Variants in CALCR observed in about 807,000 individuals in gnomAD.
The protein encoded by CALCR is calcitonin receptor.
Under a neutral mutation model 59.5 loss-of-function variants are expected in CALCR, and 47 were observed. That is an observed-to-expected ratio of 0.79 (90% confidence interval 0.63 to 1.01). The LOEUF (loss-of-function observed/expected upper bound fraction) is 1.01. Ranked by LOEUF, CALCR falls within the 50% of genes least tolerant of loss-of-function variation. CALCR has a pLI of 0.00. For synonymous variants in CALCR, 213 were observed against 211.3 expected (o/e 1.01, Z -0.07); for missense variants, 566 against 597.1 (o/e 0.95, Z 0.54).
Position 93,426,233 on chromosome 7 carries a change from C to T in CALCR, c.*123G>A. The T allele has an allele frequency of 3.1e-6, 2 of 651,872 alleles. No individual in the cohort carries two copies. The allele number at this position is 651,872 out of a possible 1,614,324, so 40.4% of individuals were successfully genotyped here. On this transcript the variant is annotated 3_prime_UTR_variant, in exon 14 of 14. Coordinates refer to ENST00000426151, the MANE Select transcript of CALCR (RefSeq NM_001742.4). ...TCTTCAGATTTACAATGGACAAATT[C>T]ACTGAATAATTCTTCACAAATGATA...
intron 7 of CALCR, among the ~76,000 whole-genome samples, chr7:93,465,252 A>G (rs566566277): frequency 6.6e-6 from 1 of 152,090 alleles, no homozygotes; most frequent in East Asian, 1.9e-4. Flanking sequence ...TTTATGGATA[A>G]GTAAATTTAT....
At chr7:93,474,114 A>G (rs1800614726) in intron 5 of CALCR, among the ~76,000 whole-genome samples, 1 of 151,746 alleles carries the variant, frequency 6.6e-6, no homozygotes, top group Admixed American at 6.6e-5. Context: ...AATAAATAAG[A>G]AAACTTCTTT....
intron 2 of CALCR, among the ~76,000 whole-genome samples, chr7:93,513,358 T>C (rs983469923): frequency 2.2e-4 from 34 of 152,170 alleles, no homozygotes; most frequent in African/African-American, 7.7e-4. Flanking sequence ...AAGAAGTATA[T>C]ATAGGTTTAT....
At chr7:93,540,718 A>G in intron 2 of CALCR, among the ~76,000 whole-genome samples, 1 of 60,178 alleles carries the variant, frequency 1.7e-5, no homozygotes, top group Admixed American at 1.6e-4. Context: ...TTTTATATAT[A>G]TTATATATTT....
At chr7:93,441,924 ATC>A (rs1799915368) in intron 9 of CALCR, among the ~76,000 whole-genome samples, 1 of 152,110 alleles carries the variant, frequency 6.6e-6, no homozygotes. Flanking sequence ...AGTTGGATCA[ATC>A]AGATTTTCTT....
Position 93,492,458 on chromosome 7 carries a change from T to A in CALCR, c.-26-5451A>T, listed in dbSNP as rs543707733. 2.0e-5 allele frequency among the ~76,000 whole-genome samples: 3 copies of A among 151,556 alleles called. No homozygotes were observed. The East Asian group carries it at 5.8e-4, about 30-fold the overall frequency. Reference sequence around the variant, plus strand: ...CCAAAAGGGTAAATTCTATTCAGTTTACCTATTGGCATAACAGGAAATTGA... The same window carrying A: ...CCAAAAGGGTAAATTCTATTCAGTTAACCTATTGGCATAACAGGAAATTGA... On this transcript the variant is annotated intron_variant, in intron 2 of 13. Transcript: ENST00000426151.
intron 12 of CALCR, among the ~76,000 whole-genome samples, chr7:93,435,466 C>CT (rs1263881975): frequency 6.6e-6 from 1 of 152,116 alleles, no homozygotes. Context: ...AACTGGTGTC[C>CT]TTCAGAATTT....
At chr7:93,502,950 C>T (rs903371971) in intron 2 of CALCR, among the ~76,000 whole-genome samples, 5 of 151,970 alleles carry the variant, frequency 3.3e-5, no homozygotes, top group East Asian at 1.9e-4. Flanking sequence ...TGAGTATACA[C>T]GTATTACCTC....
At chr7:93,430,383 T>C (rs1017948353) in intron 13 of CALCR, among the ~76,000 whole-genome samples, 1 of 152,168 alleles carries the variant, frequency 6.6e-6, no homozygotes, top group Non-Finnish European at 1.5e-5. Flanking sequence ...TCTCTACTGG[T>C]CTCTGATTTT....
chr7:93,439,601 GT>G (rs1358561952), intron 9 of CALCR, among the ~76,000 whole-genome samples: 8 of 149,956 alleles, frequency 5.3e-5, no homozygotes, highest in Non-Finnish European at 1.0e-4. Flanking sequence ...TGCTTTTTCT[GT>G]TTTTTTTTCT....
intron 7 of CALCR, among the ~76,000 whole-genome samples, chr7:93,466,487 A>G (rs1470523900): frequency 6.6e-6 from 1 of 151,926 alleles, no homozygotes; most frequent in East Asian, 1.9e-4. Flanking sequence ...ATATGATTGA[A>G]AACAAGTATA....
chr7:93,442,710 C>A (rs190484365), intron 9 of CALCR, among the ~76,000 whole-genome samples: 1 of 152,162 alleles, frequency 6.6e-6, no homozygotes, highest in Non-Finnish European at 1.5e-5. Context: ...ACAGCCTCTG[C>A]TCTCAGAGTC....
intron 2 of CALCR, among the ~76,000 whole-genome samples, chr7:93,550,595 C>T (rs1042515431): frequency 5.4e-5 from 2 of 37,086 alleles, no homozygotes; most frequent in African/African-American, 3.0e-4. Context: ...TCCATTTGGG[C>T]TAAACACACA....
intron 2 of CALCR, among the ~76,000 whole-genome samples, chr7:93,539,897 C>T (rs1478403670): frequency 1.3e-5 from 2 of 152,072 alleles, no homozygotes; most frequent in African/African-American, 4.8e-5. Flanking sequence ...GTGGGGCCCC[C>T]GTCCACTGTT....
rs1445779070 is a variant in CALCR at position 93,426,014 on chromosome 7, G to T, written c.*342C>A. The T allele has an allele frequency of 5.5e-6, 1 of 180,184 alleles. No individual in the cohort carries two copies. Among genetic ancestry groups the T allele is most frequent in the Admixed American group, 6.1e-5 (1 of 16,272 alleles). The allele number at this position is 180,184 out of a possible 1,614,324, so 11.2% of individuals were successfully genotyped here. A position where few individuals can be genotyped will look rare whatever the true frequency, so the allele number is the denominator to read the frequency against. Reference sequence around the variant, plus strand: ...TGACAGTGATTTTAATATTTCAAAGGTATAAATGGCTCAGTATTGACAAGG... The same window carrying T: ...TGACAGTGATTTTAATATTTCAAAGTTATAAATGGCTCAGTATTGACAAGG... On this transcript the variant is annotated 3_prime_UTR_variant, in exon 14 of 14. Transcript: ENST00000426151.
In CALCR at chr7:93,425,462, A is replaced by C. The variant is rs529588294; in HGVS notation, c.*894T>G. ...AGGGCAAGAGGTAATCTGCTTTATA[A>C]ACCTTGGAGTAATTTGCTTTATAAA... On this transcript the variant is annotated 3_prime_UTR_variant, in exon 14 of 14. Coordinates refer to ENST00000426151, the MANE Select transcript of CALCR (RefSeq NM_001742.4). 1 of 152,746 alleles carries C rather than the reference A, an allele frequency of 6.5e-6. No homozygotes were observed. The highest frequency in any genetic ancestry group is 2.1e-4 in the South Asian group (1 of 4,826). 9.5% of individuals were successfully genotyped at this position (152,746 alleles called of 1,614,324 possible).
intron 2 of CALCR, among the ~76,000 whole-genome samples, chr7:93,534,301 T>G (rs575612441): frequency 6.6e-6 from 1 of 151,920 alleles, no homozygotes; most frequent in South Asian, 2.1e-4. Context: ...AAGCTGAGTA[T>G]GATTAAGGAG....
intron 2 of CALCR, among the ~76,000 whole-genome samples, chr7:93,525,501 C>T (rs1222857109): frequency 6.6e-6 from 1 of 152,120 alleles, no homozygotes; most frequent in African/African-American, 2.4e-5. Context: ...TGAAGCAGAG[C>T]AGGTCATGGT....
intron 2 of CALCR, among the ~76,000 whole-genome samples, chr7:93,507,922 CAAAAAAAAAGA>C (rs923573053): frequency 2.4e-4 from 33 of 135,670 alleles, no homozygotes; most frequent in African/African-American, 7.7e-4. Flanking sequence ...GACTCCATCT[CAAAAAAAAAGA>C]AAAAAAAAAG....
Sources: gnomAD v4.1 joint callset for allele counts (sites outside exome capture counted in the v4.1 genomes callset) on GRCh38, gnomAD v4.1.1 for gene constraint, MANE v1.5 for transcripts, NCBI Gene and HGNC (gene_info 2026-07-23, HGNC 2026-07-21) for gene names.